The following BIN2 variants were observed in gnomAD, a reference collection of about 807,000 sequenced individuals.
The protein encoded by BIN2 is breast cancer associated protein BRAP1.
Under a neutral mutation model 67.9 loss-of-function variants are expected in BIN2, and 43 were observed. The observed-to-expected ratio is 0.63, with a 90% CI of 0.50 to 0.82. The LOEUF (loss-of-function observed/expected upper bound fraction) is 0.82. BIN2 is among the 40% of genes least tolerant of loss of function. The pLI is 0.00. For missense variants in BIN2, 581 were observed against 671.6 expected (o/e 0.87, Z 1.49); for synonymous variants, 244 against 246.8 (o/e 0.99, Z 0.11).
intron 1 of BIN2, among the ~76,000 whole-genome samples, chr12:51,321,892 A>G (rs1442446265): frequency 6.6e-6 from 1 of 152,230 alleles, no homozygotes; most frequent in Non-Finnish European, 1.5e-5. Context: ...CTTGGTCTCA[A>G]TAACTTCCCA....
chr12:51,296,271 C>T (rs181232429), intron 8 of BIN2, among the ~76,000 whole-genome samples: 9 of 152,080 alleles, frequency 5.9e-5, no homozygotes, highest in South Asian at 4.2e-4. Flanking sequence ...CCGAGGTGGG[C>T]GGATCACGAG....
chr12:51,303,006 G>T, intron 3 of BIN2, 81 bp downstream of exon 3: 1 of 1,470,380 alleles, frequency 6.8e-7, no homozygotes, highest in Non-Finnish European at 9.5e-7. Context: ...AAAACCTGGG[G>T]GTATGGCTAT....
Position 51,299,661 on chromosome 12 carries a change from G to GTGTC in BIN2, c.458_461dup (p.His154GlnfsTer15). 1 of 1,614,062 alleles carries GTGTC rather than the reference G, an allele frequency of 6.2e-7. No individual in the cohort carries two copies. The highest frequency in any genetic ancestry group is 1.6e-4 in the Middle Eastern group (1 of 6,062). ...TGGCATTCTGCACTGCCTCCAGGTG[G>GTGTC]TGTCGGGCACTGTCATAGTCCACGA... is the stretch of plus-strand genomic sequence containing the variant. On this transcript the variant is annotated frameshift_variant, in exon 6 of 13. Coordinates refer to ENST00000615107, the MANE Select transcript of BIN2 (RefSeq NM_016293.4). LOFTEE classifies it high-confidence loss of function.
At chr12:51,290,937 A>ACAAAG (rs1565671934) in intron 10 of BIN2, among the ~76,000 whole-genome samples, 2 of 151,422 alleles carry the variant, frequency 1.3e-5, no homozygotes, top group Non-Finnish European at 2.9e-5. Context: ...CGTCTCAAAA[A>ACAAAG]CAAAACAAAA....
rs1193210798 is a variant in BIN2, at chr12:51,309,384, C to A, written c.162+4439G>T. On this transcript the variant is annotated intron_variant, in intron 2 of 12. Coordinates refer to ENST00000615107, the MANE Select transcript of BIN2 (RefSeq NM_016293.4). ...ATAAACTAAGAGCCTTGAGGGCAGGCAGGTTGTCTCATTCATGCTGAAGTC... is the reference window on the plus strand; with the variant it reads ...ATAAACTAAGAGCCTTGAGGGCAGGAAGGTTGTCTCATTCATGCTGAAGTC... 3.9e-5 allele frequency among the ~76,000 whole-genome samples: 6 copies of A among 152,176 alleles called. No individual in the cohort carries two copies. The South Asian group carries it at 1.2e-3, about 31-fold the overall frequency.
intron 4 of BIN2, chr12:51,302,448 A>G: frequency 1.8e-6 from 1 of 542,128 alleles, no homozygotes; most frequent in Admixed American, 3.3e-5. Flanking sequence ...AAAACTTCCC[A>G]TAATGTTTTA....
chr12:51,324,032 G>A lies in BIN2; in HGVS notation c.71C>T (p.Ala24Val), dbSNP rs1422230637. ...GGCCCGGCCACCTACCTTCTCCTGG[G>A]CCCTGCTAAACTTCTTCTGCACCTG... Reference protein sequence around the residue: ...AKQVQKKFSRAQEKVLQKLGK... With the variant: ...AKQVQKKFSRVQEKVLQKLGK... Residue 24 changes from alanine to valine, a missense_variant, in exon 1 of 13, where the codon GCC becomes GTC. Physicochemically the swap from Ala to Val is moderately conservative, Grantham distance 64 (BLOSUM62 0). Coordinates refer to ENST00000615107, the MANE Select transcript of BIN2 (RefSeq NM_016293.4). 6 of 1,613,496 alleles carry A rather than the reference G, an allele frequency of 3.7e-6. No homozygotes were observed. Among genetic ancestry groups the A allele is most frequent in the African/African-American group, 2.7e-5 (2 of 75,000 alleles).
chr12:51,318,740 C>T (rs1946194344), intron 1 of BIN2, among the ~76,000 whole-genome samples: 2 of 152,146 alleles, frequency 1.3e-5, no homozygotes, highest in African/African-American at 4.8e-5. Flanking sequence ...ACTCCCTTTC[C>T]CCCATTAGAT....
intron 5 of BIN2, 147 bp downstream of exon 5, chr12:51,301,873 T>A: frequency 1.7e-6 from 1 of 604,098 alleles, no homozygotes; most frequent in East Asian, 2.9e-5. Context: ...ACCTCTTGTC[T>A]AACCCTCAAC....
At chr12:51,320,446 C>T (rs1004658627) in intron 1 of BIN2, among the ~76,000 whole-genome samples, 3 of 152,182 alleles carry the variant, frequency 2.0e-5, no homozygotes, top group Non-Finnish European at 2.9e-5. Flanking sequence ...ACTCCAGTCT[C>T]CATGCCTTGC....
chr12:51,314,542 G>C (rs185147279), intron 1 of BIN2, among the ~76,000 whole-genome samples: 1 of 151,862 alleles, frequency 6.6e-6, no homozygotes, highest in East Asian at 2.0e-4. Flanking sequence ...GCTCACACTT[G>C]TAATCCCAGC....
intron 7 of BIN2, 76 bp from the exon 8 acceptor site, chr12:51,297,240 G>T: frequency 1.4e-6 from 2 of 1,444,648 alleles, no homozygotes; most frequent in South Asian, 1.2e-5. Flanking sequence ...TACAAAGTAG[G>T]ACTTAAGCCA....
chr12:51,287,966 T>G (rs1000382492), intron 11 of BIN2, 142 bp downstream of exon 11: 80 of 604,336 alleles, frequency 1.3e-4, no homozygotes, highest in Non-Finnish European at 2.2e-4. Context: ...AAGTTTTACA[T>G]CTTGCTCTGT....
chr12:51,294,264 T>C (rs76648963), intron 9 of BIN2, among the ~76,000 whole-genome samples: 2,700 of 152,236 alleles, frequency 0.018, 67 homozygotes, highest in African/African-American at 0.061. Context: ...TCCATTTATA[T>C]AAAGTTTAAA....
At chr12:51,301,308 A>T (rs1945716822) in intron 5 of BIN2, among the ~76,000 whole-genome samples, 1 of 152,162 alleles carries the variant, frequency 6.6e-6, no homozygotes, top group African/African-American at 2.4e-5. Context: ...AAAGCAGAAC[A>T]GTTTAGAATA....
At chr12:51,305,074 C>T (rs551645764) in intron 2 of BIN2, among the ~76,000 whole-genome samples, 2 of 152,050 alleles carry the variant, frequency 1.3e-5, no homozygotes, top group African/African-American at 4.8e-5. Flanking sequence ...CGGTGGCTCA[C>T]GCCTGTAATC....
intron 6 of BIN2, 76 bp downstream of exon 6, chr12:51,299,531 C>T (rs1192486995): frequency 7.1e-7 from 1 of 1,412,096 alleles, no homozygotes; most frequent in Non-Finnish European, 1.0e-6. Flanking sequence ...CCATGTTGGC[C>T]CAGCCACCTG....
At chr12:51,291,536 C>G in intron 10 of BIN2, 55 bp downstream of exon 10, 1 of 1,498,696 alleles carries the variant, frequency 6.7e-7, no homozygotes, top group Non-Finnish European at 8.9e-7. Flanking sequence ...GAGTGAGACC[C>G]TAGCTTAAAT....
At chr12:51,307,195 A>T (rs1227214843) in intron 2 of BIN2, among the ~76,000 whole-genome samples, 1 of 151,102 alleles carries the variant, frequency 6.6e-6, no homozygotes, top group Non-Finnish European at 1.5e-5. Flanking sequence ...AGGCAGGAGA[A>T]TGGCTTGAAC....
Sources: allele counts gnomAD v4.1 joint callset (sites outside exome capture counted in the v4.1 genomes callset), GRCh38; gene constraint gnomAD v4.1.1; transcripts MANE v1.5; gene names NCBI Gene and HGNC (gene_info 2026-07-23, HGNC 2026-07-21).